ANKRD30A: variants seen among roughly 807,000 people sequenced by gnomAD.
ANKRD30A encodes ankyrin repeat domain 30A.
Under a neutral mutation model 166.3 loss-of-function variants are expected in ANKRD30A, and 170 were observed. The ratio of observed to expected loss-of-function variants is 1.02; its 90% CI spans 0.90 to 1.16. ANKRD30A has a LOEUF of 1.16. Among genes scored for constraint, ANKRD30A ranks in the 50% most tolerant of loss-of-function variants. The pLI is 0.00. For missense variants in ANKRD30A, 1,630 were observed against 1,518.0 expected, an observed-to-expected ratio of 1.07 and a Z score of -1.23; for synonymous variants, 564 against 508.9, an observed-to-expected ratio of 1.11 and a Z score of -1.46.
At chr10:37,127,355 A>T (rs1476499297) in intron 1 of ANKRD30A, among the ~76,000 whole-genome samples, 1 of 152,098 alleles carries the variant, frequency 6.6e-6, no homozygotes, top group Non-Finnish European at 1.5e-5. Context: ...ATAAATGCCT[A>T]TTTACACAGA....
In ANKRD30A at chr10:37,219,843, T is replaced by G. The variant is rs1209362149; in HGVS notation, c.4131T>G (p.Asn1377Lys). ...AAAATGAGGAGATATTTAATTACAATAACCATTTAAAAAACCGTATATATC... is the reference window on the plus strand; with the variant it reads ...AAAATGAGGAGATATTTAATTACAAGAACCATTTAAAAAACCGTATATATC... ...KEKNEEIFNY[N>K]NHLKNRIYQY... Residue 1377 changes from asparagine to lysine, a missense_variant, in exon 34 of 36, where the codon AAT becomes AAG. This residue lies in a region of ANKRD30A where 712 missense variants were observed against 629.3 expected (regional missense o/e 1.13). Transcript: ENST00000361713. 1.3e-6 allele frequency: 2 copies of G among 1,584,712 alleles called. No individual in the cohort carries two copies. Among genetic ancestry groups the G allele is most frequent in the South Asian group, 2.3e-5 (2 of 87,050 alleles).
At chr10:37,162,017 G>A (rs1455629387) in intron 15 of ANKRD30A, among the ~76,000 whole-genome samples, 1 of 151,966 alleles carries the variant, frequency 6.6e-6, no homozygotes, top group African/African-American at 2.4e-5. Context: ...AATATTGAAA[G>A]CTTATTATAG....
rs537329005 is a variant in ANKRD30A, at chr10:37,193,033, C to A, written c.2513-31C>A. 6 of 1,604,054 alleles carry A rather than the reference C, an allele frequency of 3.7e-6. No homozygotes were observed. In the South Asian group the frequency reaches 6.6e-5, roughly 18 times the overall value. On this transcript the variant is annotated intron_variant, in intron 25 of 35. Transcript: ENST00000361713. ...CGGTAGGCTTTGTCAAGCTTGCATA[C>A]AATAAATTATATATGTCCCTTTTCT...
At chr10:37,249,902 T>A in the ANKRD30A span, among the ~76,000 whole-genome samples, 1 of 152,206 alleles carries the variant, frequency 6.6e-6, no homozygotes, top group Non-Finnish European at 1.5e-5. Flanking sequence ...CAAATGTGTC[T>A]TTTAAGGTGA....
intron 24 of ANKRD30A, among the ~76,000 whole-genome samples, chr10:37,183,569 C>T (rs1840183018): frequency 1.4e-5 from 2 of 146,868 alleles, no homozygotes; most frequent in Admixed American, 6.9e-5. Flanking sequence ...GAGTTGGTTA[C>T]AGATTCATTC....
intron 31 of ANKRD30A, among the ~76,000 whole-genome samples, chr10:37,209,759 C>T (rs1842184401): frequency 6.6e-6 from 1 of 152,078 alleles, no homozygotes; most frequent in Non-Finnish European, 1.5e-5. Flanking sequence ...AGACTTTTAA[C>T]TATGACTTAA....
At chr10:37,237,565 A>AT (rs1443762235), downstream of ANKRD30A, among the ~76,000 whole-genome samples, 6 of 152,066 alleles carry the variant, frequency 3.9e-5, no homozygotes, top group Admixed American at 2.6e-4. Flanking sequence ...TTGTGGATAC[A>AT]TTTTTTCTCC....
intron 24 of ANKRD30A, chr10:37,178,374 G>A (rs1318927753): frequency 1.5e-5 from 6 of 388,952 alleles, no homozygotes; most frequent in African/African-American, 4.3e-5. Context: ...ATAGACCAGA[G>A]GTTTTCAAAC....
intron 21 of ANKRD30A, among the ~76,000 whole-genome samples, chr10:37,171,559 G>T (rs748275400): frequency 2.6e-5 from 4 of 151,678 alleles, no homozygotes; most frequent in Admixed American, 2.6e-4. Context: ...CGGTGTATTT[G>T]TTGAACTTCA....
rs750597468 is a variant in ANKRD30A, at chr10:37,141,759, G to C, written c.862G>C (p.Ala288Pro). Residue 288 changes from alanine to proline, a missense_variant, in exon 7 of 36, where the codon GCG becomes CCG. This residue lies in a region of ANKRD30A where 904 missense variants were observed against 818.5 expected (regional missense o/e 1.10). Transcript: ENST00000361713. The stretch of plus-strand genomic sequence containing the variant: ...AACACCTGATGAGGCTGCACCCTTG[G>C]CGGAAAGAACACCTGACACAGCTGA... ...AGTPDEAAPL[A>P]ERTPDTAESL... The C allele has an allele frequency of 1.9e-6, 3 of 1,612,008 alleles. No individual in the cohort carries two copies. In the Admixed American group the frequency reaches 5.0e-5, roughly 27 times the overall value.
At chr10:37,200,004 G>T (rs546348506) in intron 30 of ANKRD30A, among the ~76,000 whole-genome samples, 1 of 152,016 alleles carries the variant, frequency 6.6e-6, no homozygotes, top group Non-Finnish European at 1.5e-5. Context: ...TAAGAAGCCC[G>T]TGTGGTACAG....
At chr10:37,232,697 T>TATAGAGAGAGAGAGAGAGAG (rs1273812991), downstream of ANKRD30A, 29 of 78,404 alleles carry the variant, frequency 3.7e-4, no homozygotes, top group African/African-American at 1.4e-3. Context: ...TATATATAAA[T>TATAGAGAGAGAGAGAGAGAG]AGAGAGAGAG....
chr10:37,149,997 C>T (rs969275424), intron 11 of ANKRD30A, 148 bp downstream of exon 11: 22 of 1,156,052 alleles, frequency 1.9e-5, no homozygotes, highest in Non-Finnish European at 2.5e-5. Context: ...TGTTTGAAAA[C>T]CTGATATTAC....
the ANKRD30A span, among the ~76,000 whole-genome samples, chr10:37,238,930 G>A: frequency 1.3e-5 from 2 of 152,058 alleles, no homozygotes; most frequent in Admixed American, 1.3e-4. Flanking sequence ...TCACAGATGT[G>A]TTATGAAGTA....
chr10:37,238,432 C>G, the ANKRD30A span, among the ~76,000 whole-genome samples: 1 of 151,962 alleles, frequency 6.6e-6, no homozygotes. Flanking sequence ...TGTGCTGCAC[C>G]CATTAACTCA....
chr10:37,196,407 T>C (rs981394985), intron 27 of ANKRD30A, among the ~76,000 whole-genome samples: 3 of 152,054 alleles, frequency 2.0e-5, no homozygotes, highest in Admixed American at 6.5e-5. Flanking sequence ...ACTAAGAACA[T>C]TGGGTTTATG....
At chr10:37,143,105 A>T (rs1427872648) in intron 7 of ANKRD30A, among the ~76,000 whole-genome samples, 1 of 152,220 alleles carries the variant, frequency 6.6e-6, no homozygotes, top group Non-Finnish European at 1.5e-5. Context: ...AATTACTGTG[A>T]TTAGCTTAGA....
At chr10:37,126,933 G>C (rs1014200482) in intron 1 of ANKRD30A, among the ~76,000 whole-genome samples, 1 of 151,396 alleles carries the variant, frequency 6.6e-6, no homozygotes, top group Non-Finnish European at 1.5e-5. Flanking sequence ...TGTAATCCCA[G>C]CTACTGGGGA....
chr10:37,192,219 T>C (rs917393058), intron 25 of ANKRD30A, among the ~76,000 whole-genome samples: 2 of 151,802 alleles, frequency 1.3e-5, no homozygotes, highest in African/African-American at 4.8e-5. Flanking sequence ...GTAATTTTAG[T>C]GGGGACAGTG....
Sources: allele counts gnomAD v4.1 joint callset (sites outside exome capture counted in the v4.1 genomes callset), GRCh38; gene constraint gnomAD v4.1.1; regional missense constraint gnomAD v4.1.1; transcripts MANE v1.5; gene names NCBI Gene and HGNC (gene_info 2026-07-23, HGNC 2026-07-21).